FOCAD: variants seen among roughly 807,000 people sequenced by gnomAD.
The protein encoded by FOCAD is KIAA1797.
A neutral mutation model predicts 225.6 loss-of-function variants in FOCAD; 198 were observed. That is an observed-to-expected ratio of 0.88 (90% CI 0.78 to 0.99). The LOEUF is 0.99. Ranked by LOEUF, FOCAD falls within the 50% of genes least tolerant of loss-of-function variation. FOCAD has a pLI of 0.00. For missense variants in FOCAD, 2,713 were observed against 2,123.6 expected (o/e 1.28, Z -5.46); for synonymous variants, 897 against 755.0 (o/e 1.19, Z -3.08).
chr9:20,975,940 T>A (rs1840192894), intron 35 of FOCAD, among the ~76,000 whole-genome samples: 1 of 152,104 alleles, frequency 6.6e-6, no homozygotes, highest in African/African-American at 2.4e-5. Context: ...GAGGGATTGG[T>A]TAAAGGAAAC....
At chr9:20,944,104 A>G (rs370828064) in intron 28 of FOCAD, among the ~76,000 whole-genome samples, 18 of 152,316 alleles carry the variant, frequency 1.2e-4, no homozygotes, top group East Asian at 9.6e-4. Context: ...AAGAAATTCC[A>G]CTTGTTGAAG....
At chr9:20,664,676 G>T (rs929919453) in intron 2 of FOCAD, among the ~76,000 whole-genome samples, 2 of 135,378 alleles carry the variant, frequency 1.5e-5, no homozygotes, top group African/African-American at 5.6e-5. Context: ...ATGAGGTCTC[G>T]CTTTGTTGAC....
chr9:20,754,283 T>G (rs1828841258), intron 5 of FOCAD, among the ~76,000 whole-genome samples: 1 of 152,190 alleles, frequency 6.6e-6, no homozygotes, highest in Non-Finnish European at 1.5e-5. Flanking sequence ...AATGCTTTAA[T>G]TATAATTTTT....
In FOCAD at chr9:20,820,355, AACT is replaced by A. The variant is rs756181950; in HGVS notation, c.1596_1598del (p.Leu533del). 1.4e-5 allele frequency: 23 copies of A among 1,612,588 alleles called. No individual in the cohort carries two copies. Among genetic ancestry groups the A allele is most frequent in the Admixed American group, 1.0e-4 (6 of 59,844 alleles). ...ATAGGACAAATTCTACGAATAATACAACTACTTGGAACCACACCACGACTAAGA... is the reference window on the plus strand; with the variant it reads ...ATAGGACAAATTCTACGAATAATACAACTTGGAACCACACCACGACTAAGA... On this transcript the variant is annotated inframe_deletion, in exon 13 of 44. Transcript: ENST00000338382.
In FOCAD at chr9:20,675,087, GT is replaced by G. The variant is rs199826524; in HGVS notation, c.-78+16266del. ...AGACCCTCTTTTTCTGGTTAAAAAA[GT>G]TTTTCTTCTATAAATCTAGTTCTCT... On this transcript the variant is annotated intron_variant, in intron 2 of 45. Coordinates refer to the FOCAD transcript ENST00000380249. 8.4e-4 allele frequency among the ~76,000 whole-genome samples: 128 copies of G among 152,248 alleles called. 1 individual carries two copies. In the East Asian group the frequency reaches 0.023, roughly 28 times the overall value.
At chr9:20,991,808 GTC>G (rs1841697111) in intron 42 of FOCAD, among the ~76,000 whole-genome samples, 1 of 62,450 alleles carries the variant, frequency 1.6e-5, no homozygotes. Flanking sequence ...TTGAGACTCT[GTC>G]TCAAAAAAAA....
At chr9:20,824,233 C>G (rs923576478) in intron 15 of FOCAD, among the ~76,000 whole-genome samples, 2 of 152,078 alleles carry the variant, frequency 1.3e-5, no homozygotes, top group Admixed American at 6.6e-5. Flanking sequence ...GGAAATATCT[C>G]TTTAATAGTT....
At chr9:20,762,429 G>A (rs998042895) in intron 6 of FOCAD, among the ~76,000 whole-genome samples, 1 of 152,204 alleles carries the variant, frequency 6.6e-6, no homozygotes, top group African/African-American at 2.4e-5. Context: ...AGCTCTATGA[G>A]AGCAGGAACT....
chr9:20,956,337 A>G (rs1838134570), intron 35 of FOCAD, among the ~76,000 whole-genome samples: 1 of 152,212 alleles, frequency 6.6e-6, no homozygotes, highest in South Asian at 2.1e-4. Context: ...TAATTTAGAA[A>G]TAGTTTACCT....
chr9:20,948,700 C>G, intron 31 of FOCAD, 151 bp from the exon 32 acceptor site: 2 of 764,106 alleles, frequency 2.6e-6, no homozygotes, highest in Non-Finnish European at 4.2e-6. Flanking sequence ...TTTTAGTCTG[C>G]TGCCATTTTT....
At position 20,923,775 on chromosome 9, in the gene FOCAD, T is replaced by G; in HGVS notation, c.2961+7T>G. On this transcript the variant is annotated splice_region_variant and intron_variant, in intron 25 of 43. Transcript: ENST00000338382. ...CTCTGACGGGCTCCTGGAGGTTAGT[T>G]GGGGTGATTTAAACAATTGGCTTTG... 1 of 1,605,454 alleles carries G rather than the reference T, an allele frequency of 6.2e-7. No individual in the cohort carries two copies. Among genetic ancestry groups the G allele is most frequent in the Non-Finnish European group, 8.5e-7 (1 of 1,172,792 alleles).
In FOCAD at chr9:20,874,839, A is replaced by G. The variant is rs371645392; in HGVS notation, c.2317+32A>G. The G allele has an allele frequency of 5.6e-6, 9 of 1,612,662 alleles. No homozygotes were observed. The African/African-American group carries it at 1.1e-4, about 19-fold the overall frequency. ...CCTATTTGGTAGTAGAGAAGCTAGCATTTTTTAGTGGTTCGATTTGTCTGA... is the reference window on the plus strand; with the variant it reads ...CCTATTTGGTAGTAGAGAAGCTAGCGTTTTTTAGTGGTTCGATTTGTCTGA... On this transcript the variant is annotated intron_variant, in intron 19 of 43. Transcript: ENST00000338382.
chr9:20,843,156 A>G (rs10123700), intron 15 of FOCAD, among the ~76,000 whole-genome samples: 91,197 of 151,708 alleles, frequency 0.6, 27,570 homozygotes, highest in East Asian at 0.67. Context: ...GAATTACAAT[A>G]TTATAATGTT....
intron 15 of FOCAD, among the ~76,000 whole-genome samples, chr9:20,854,762 C>T (rs1190679148): frequency 6.6e-6 from 1 of 151,640 alleles, no homozygotes; most frequent in African/African-American, 2.4e-5. Flanking sequence ...CTGAGTCATT[C>T]GTACATAAAT....
intron 11 of FOCAD, among the ~76,000 whole-genome samples, chr9:20,796,349 C>T (rs1821104717): frequency 1.3e-5 from 2 of 152,156 alleles, no homozygotes; most frequent in African/African-American, 2.4e-5. Context: ...ATTGCTGGGT[C>T]AAATGGTATT....
At chr9:20,735,570 C>G (rs975936065) in intron 4 of FOCAD, among the ~76,000 whole-genome samples, 4 of 150,922 alleles carry the variant, frequency 2.7e-5, no homozygotes, top group African/African-American at 9.8e-5. Context: ...GGTTTGAGTG[C>G]TGTGGTGAGA....
intron 30 of FOCAD, 107 bp from the exon 31 acceptor site, chr9:20,948,164 A>T: frequency 9.3e-7 from 1 of 1,074,346 alleles, no homozygotes; most frequent in South Asian, 2.1e-5. Flanking sequence ...ACAGCTTGTC[A>T]TTAGGAAAGT....
At chr9:20,929,720 A>G (rs1835289847) in intron 27 of FOCAD, 124 bp downstream of exon 27, 1 of 719,044 alleles carries the variant, frequency 1.4e-6, no homozygotes, top group African/African-American at 1.8e-5. Flanking sequence ...ACTTTCTGAG[A>G]TGGGCAAGTT....
At position 20,778,780 on chromosome 9, in the gene FOCAD, TAC is replaced by T; in HGVS notation, c.994+14_994+15del. 6.8e-7 allele frequency: 1 copy of T among 1,480,520 alleles called. No individual in the cohort carries two copies. Among genetic ancestry groups the T allele is most frequent in the Non-Finnish European group, 9.4e-7 (1 of 1,060,536 alleles). The allele number at this position is 1,480,520 out of a possible 1,614,324, so 91.7% of individuals were successfully genotyped here. On this transcript the variant is annotated intron_variant, in intron 9 of 43. Coordinates refer to ENST00000338382, the MANE Select transcript of FOCAD (RefSeq NM_001375567.1). ...AATCTTAAATCTAGGTAAATAAAAATACAGTCACTAGAGTAAAATGTAAATAT... is the reference window on the plus strand; with the variant it reads ...AATCTTAAATCTAGGTAAATAAAAATAGTCACTAGAGTAAAATGTAAATAT...
Sources: allele counts gnomAD v4.1 joint callset (sites outside exome capture counted in the v4.1 genomes callset), GRCh38; gene constraint gnomAD v4.1.1; transcripts MANE v1.5; gene names NCBI Gene and HGNC (gene_info 2026-07-23, HGNC 2026-07-21).